Variants in AGBL1 observed in about 807,000 individuals in gnomAD.
The protein encoded by AGBL1 is AGBL carboxypeptidase 1.
A neutral mutation model predicts 118.9 loss-of-function variants in AGBL1; 130 were observed. That is an observed-to-expected ratio of 1.09 (90% CI 0.95 to 1.26). The LOEUF is 1.26. AGBL1 is among the 50% of genes most tolerant of loss of function. AGBL1 has a pLI of 0.00. For missense variants in AGBL1, 1,584 were observed against 1,298.1 expected (o/e 1.22, Z -3.38); for synonymous variants, 555 against 478.9 (o/e 1.16, Z -2.08).
At chr15:86,469,505 T>C (rs564574059) in intron 18 of AGBL1, among the ~76,000 whole-genome samples, 9 of 152,282 alleles carry the variant, frequency 5.9e-5, no homozygotes, top group Admixed American at 3.9e-4. Context: ...AGATTGATTC[T>C]GTATCCTGGC....
At chr15:86,872,696 C>G (rs1225532010) in intron 22 of AGBL1, among the ~76,000 whole-genome samples, 3 of 152,188 alleles carry the variant, frequency 2.0e-5, no homozygotes, top group African/African-American at 7.2e-5. Context: ...GCAGAGGTTA[C>G]AGTGAGCTGA....
chr15:86,472,382 T>A (rs1375622914), intron 18 of AGBL1, among the ~76,000 whole-genome samples: 2 of 152,196 alleles, frequency 1.3e-5, no homozygotes, highest in African/African-American at 2.4e-5. Context: ...GACATCTGAT[T>A]GGCCAGTGAA....
intron 1 of AGBL1, among the ~76,000 whole-genome samples, chr15:86,111,780 A>T (rs1297927054): frequency 2.0e-5 from 3 of 152,216 alleles, no homozygotes; most frequent in Non-Finnish European, 2.9e-5. Context: ...ACTGGTAGGA[A>T]CAAGACCATG....
At position 86,567,738 on chromosome 15, in the gene AGBL1, T is replaced by A. The variant is rs1187651130; in HGVS notation, c.2994+13201T>A. On this transcript the variant is annotated intron_variant, in intron 21 of 22. Coordinates refer to ENST00000614907, the MANE Select transcript of AGBL1 (RefSeq NM_001386094.1). ...GATTGAGGACCACCTCAAACCTTAG[T>A]GTGCATGAGAATCACTTGTGGAGTT... Among the ~76,000 whole-genome samples, 10 of 152,322 alleles carry A rather than the reference T, an allele frequency of 6.6e-5. No homozygotes were observed. The South Asian group carries it at 1.0e-3, about 16-fold the overall frequency.
intron 17 of AGBL1, among the ~76,000 whole-genome samples, chr15:86,382,684 C>G (rs2081128506): frequency 6.6e-6 from 1 of 151,860 alleles, no homozygotes; most frequent in East Asian, 1.9e-4. Context: ...TATTATTATT[C>G]TCTTTCTTTT....
chr15:86,491,997 C>T (rs1051136174), intron 18 of AGBL1, among the ~76,000 whole-genome samples: 1 of 151,846 alleles, frequency 6.6e-6, no homozygotes, highest in Admixed American at 6.6e-5. Context: ...TCACAATAGC[C>T]CTTGAAAGTT....
intron 18 of AGBL1, among the ~76,000 whole-genome samples, chr15:86,468,000 C>G (rs1315605878): frequency 2.0e-5 from 3 of 152,020 alleles, no homozygotes; most frequent in Non-Finnish European, 4.4e-5. Context: ...CCTTTATTTT[C>G]TTTTACTAGC....
chr15:86,373,263 G>T (rs1310567987), intron 17 of AGBL1, among the ~76,000 whole-genome samples: 2 of 152,124 alleles, frequency 1.3e-5, no homozygotes, highest in Non-Finnish European at 2.9e-5. Context: ...TAGAGTGTGT[G>T]CCTCTTATAA....
intron 22 of AGBL1, among the ~76,000 whole-genome samples, chr15:86,769,718 T>C (rs539399984): frequency 5.3e-5 from 8 of 152,100 alleles, no homozygotes; most frequent in African/African-American, 1.9e-4. Flanking sequence ...TACTAGCAGG[T>C]GGAGTAATAC....
chr15:86,443,131 A>C (rs1312106919), intron 18 of AGBL1, among the ~76,000 whole-genome samples: 1 of 152,092 alleles, frequency 6.6e-6, no homozygotes, highest in Non-Finnish European at 1.5e-5. Context: ...AGCCGGAGAA[A>C]CCTAGTGGCT....
chr15:86,689,282 A>AGCAAGAC (rs2142595704), intron 22 of AGBL1, among the ~76,000 whole-genome samples: 1 of 152,282 alleles, frequency 6.6e-6, no homozygotes, highest in African/African-American at 2.4e-5. Context: ...TCACCATCTC[A>AGCAAGAC]GCAAGACTTT....
At chr15:86,691,241 G>A (rs1171259118) in intron 22 of AGBL1, among the ~76,000 whole-genome samples, 1 of 152,116 alleles carries the variant, frequency 6.6e-6, no homozygotes, top group Non-Finnish European at 1.5e-5. Context: ...CAAAACACAA[G>A]GCTAATTATA....
chr15:86,659,754 A>AAAT (rs1214056652), intron 21 of AGBL1, among the ~76,000 whole-genome samples: 1 of 152,230 alleles, frequency 6.6e-6, no homozygotes, highest in Non-Finnish European at 1.5e-5. Context: ...TTTCATTAAA[A>AAAT]AATAAAACAT....
At chr15:86,819,503 G>A (rs535378082) in intron 22 of AGBL1, among the ~76,000 whole-genome samples, 1 of 152,058 alleles carries the variant, frequency 6.6e-6, no homozygotes, top group South Asian at 2.1e-4. Flanking sequence ...TAGAAAAATG[G>A]AGAGTGAGTT....
chr15:86,105,885 T>G (rs374835251), intron 1 of AGBL1, among the ~76,000 whole-genome samples: 1 of 152,272 alleles, frequency 6.6e-6, no homozygotes, highest in African/African-American at 2.4e-5. Context: ...ACATGCAGTT[T>G]TATTTGGTGT....
chr15:86,619,239 G>A (rs1469709439), intron 21 of AGBL1, among the ~76,000 whole-genome samples: 1 of 151,946 alleles, frequency 6.6e-6, no homozygotes, highest in East Asian at 1.9e-4. Context: ...TTTAATAGAC[G>A]TGACACTGAA....
chr15:86,435,665 G>C (rs2081992694), intron 18 of AGBL1, among the ~76,000 whole-genome samples: 9 of 152,128 alleles, frequency 5.9e-5, no homozygotes, highest in Admixed American at 5.2e-4. Context: ...GTAGTATATA[G>C]GTGAAGCAAA....
At chr15:86,279,921 C>T in intron 16 of AGBL1, 138 bp downstream of exon 16, 7 of 1,173,162 alleles carry the variant, frequency 6.0e-6, no homozygotes, top group Middle Eastern at 2.3e-4. Context: ...CCTAAAGGAG[C>T]CAGGTTTTGT....
At chr15:86,506,950 A>G (rs962332525) in intron 18 of AGBL1, among the ~76,000 whole-genome samples, 2 of 152,142 alleles carry the variant, frequency 1.3e-5, no homozygotes, top group Admixed American at 1.3e-4. Context: ...ATAAATATAT[A>G]TAAAAGTCAT....
Sources: allele counts gnomAD v4.1 joint callset (sites outside exome capture counted in the v4.1 genomes callset), GRCh38; gene constraint gnomAD v4.1.1; transcripts MANE v1.5; gene names NCBI Gene and HGNC (gene_info 2026-07-23, HGNC 2026-07-21).